The following TIMM23B variants were observed in gnomAD, a reference collection of about 807,000 sequenced individuals.
The protein encoded by TIMM23B is mitochondrial import inner membrane translocase subunit Tim23B.
In TIMM23B, 27 loss-of-function variants were observed where a neutral mutation model predicts 27.3. That is an observed-to-expected ratio of 0.99 (90% confidence interval 0.73 to 1.36). The LOEUF is 1.36. Among genes scored for constraint, TIMM23B ranks in the 40% most tolerant of loss-of-function variants. The probability of loss-of-function intolerance (pLI) is 0.00; values close to 1 mark genes in which losing one functional copy is unlikely to be tolerated. For synonymous variants in TIMM23B, 73 were observed against 92.4 expected (o/e 0.79, Z 1.21); for missense variants, 205 against 244.2 (o/e 0.84, Z 1.07).
At position 49,960,689 on chromosome 10, in the gene TIMM23B, C is replaced by G. The variant is rs1432023389; in HGVS notation, c.514+2209C>G. On this transcript the variant is annotated intron_variant, in intron 6 of 6. Transcript: ENST00000651259. ...CTAGTCTGAGTCCAAAGCCCGTTGT[C>G]TTTCTCACCAAACCAAATTACCTCC... 4.0e-5 allele frequency among the ~76,000 whole-genome samples: 6 copies of G among 151,116 alleles called. No individual in the cohort carries two copies. In the South Asian group the frequency reaches 6.3e-4, roughly 16 times the overall value.
At chr10:49,943,749 T>TC (rs1359698437) in intron 1 of TIMM23B, among the ~76,000 whole-genome samples, 2 of 149,856 alleles carry the variant, frequency 1.3e-5, no homozygotes, top group African/African-American at 4.9e-5. Context: ...TTTTTTTTTT[T>TC]TTTTTTTTTT....
rs1228617217 is a variant in TIMM23B at position 49,961,383 on chromosome 10, CAAAAAAA to C, written c.514+2914_514+2920del. Among the ~76,000 whole-genome samples the C allele has an allele frequency of 1.9e-3, 126 of 67,324 alleles. 1 individual carries two copies. In the East Asian group the frequency reaches 0.051, roughly 27 times the overall value. 44.2% of individuals were successfully genotyped at this position (67,324 alleles called of 152,430 possible). A position where few individuals can be genotyped will look rare whatever the true frequency, so the allele number is the denominator to read the frequency against. ...GGGCAATAAGAGTGAAACTCTGTCT[CAAAAAAA>C]AAAAAAAAAAGAAAAGAAAAAAAAT... is the stretch of plus-strand genomic sequence containing the variant. On this transcript the variant is annotated intron_variant, in intron 6 of 6. Coordinates refer to ENST00000651259, the MANE Select transcript of TIMM23B (RefSeq NM_001290117.2).
rs1410633759 is a variant in TIMM23B, at chr10:49,958,818, G to T, written c.514+338G>T. Among the ~76,000 whole-genome samples the T allele has an allele frequency of 4.8e-3, 723 of 152,172 alleles. 4 individuals are homozygous for T. Among genetic ancestry groups the T allele is most frequent in the Middle Eastern group, 0.017 (5 of 294 alleles). ...ATGTTACACTTTCTGTCTCTGAATT[G>T]GCTGCTTTAGGCACCTCATATAAGT... On this transcript the variant is annotated intron_variant, in intron 6 of 6. Transcript: ENST00000651259.
At chr10:49,952,558 G>A (rs1839568634) in intron 4 of TIMM23B, 25 bp downstream of exon 4, 79 of 1,611,736 alleles carry the variant, frequency 4.9e-5, no homozygotes, top group Non-Finnish European at 6.4e-5. Context: ...ACCATCTGAT[G>A]TAGTGATACT....
rs563098204 is a variant in TIMM23B at position 49,970,361 on chromosome 10, C to T, written c.515-2651C>T. 498 of 171,856 alleles carry T rather than the reference C, an allele frequency of 2.9e-3. 2 individuals are homozygous for T. The highest frequency in any genetic ancestry group is 0.011 in the African/African-American group (456 of 41,550). The allele number at this position is 171,856 out of a possible 1,614,324, so 10.6% of individuals were successfully genotyped here. On this transcript the variant is annotated intron_variant, in intron 6 of 6. Transcript: ENST00000651259. ...CTAGGAAGTGAGGAGCGTCTCGGCC[C>T]GGCCACCCATCGTCTGAGATGAGGG... is the stretch of plus-strand genomic sequence containing the variant.
intron 2 of TIMM23B, among the ~76,000 whole-genome samples, chr10:49,948,894 T>C (rs2133056045): frequency 6.6e-6 from 1 of 152,184 alleles, no homozygotes; most frequent in East Asian, 1.9e-4. Flanking sequence ...CTCTCTCTCT[T>C]TTTTTTCTAA....
chr10:49,952,496 A>G lies in TIMM23B; in HGVS notation c.307A>G (p.Thr103Ala). 1.2e-6 allele frequency: 2 copies of G among 1,613,144 alleles called. No individual in the cohort carries two copies. The highest frequency in any genetic ancestry group is 1.7e-6 in the Non-Finnish European group (2 of 1,179,444). ...MNGLRLGLKE[T>A]QNMAWSKPGN... ...TGGTCTTCGGCTAGGATTGAAGGAA[A>G]CCCAGAACATGGCCTGGTCCAAACC... is the stretch of plus-strand genomic sequence containing the variant. Residue 103 changes from threonine (T) to alanine (A), a missense_variant, in exon 4 of 7, where the codon ACC (threonine) becomes GCC (alanine). Thr to Ala is a moderately conservative substitution (Grantham distance 58). Coordinates refer to ENST00000651259, the MANE Select transcript of TIMM23B (RefSeq NM_001290117.2).
In TIMM23B at chr10:49,973,683, AAAG is replaced by A. The variant is rs1554857045; in HGVS notation, c.*620_*622del. ...CACACCAAGTTGCCATCTCTTCAAA[AAAG>A]GAATCTAGAGACATCAGTGTGTGCA... On this transcript the variant is annotated 3_prime_UTR_variant, in exon 7 of 7. Coordinates refer to ENST00000651259, the MANE Select transcript of TIMM23B (RefSeq NM_001290117.2). 1 of 151,690 alleles carries A rather than the reference AAAG, an allele frequency of 6.6e-6. No individual in the cohort carries two copies. Among genetic ancestry groups the A allele is most frequent in the East Asian group, 1.9e-4 (1 of 5,192 alleles). 9.4% of individuals were successfully genotyped at this position (151,690 alleles called of 1,614,324 possible).
intron 6 of TIMM23B, among the ~76,000 whole-genome samples, chr10:49,971,090 G>A (rs1316897655): frequency 1.3e-5 from 2 of 152,114 alleles, no homozygotes; most frequent in African/African-American, 2.4e-5. Flanking sequence ...GATTAAGAGC[G>A]GTGCAAGATG....
intron 5 of TIMM23B, among the ~76,000 whole-genome samples, chr10:49,957,806 A>G (rs1193548120): frequency 2.6e-5 from 4 of 152,182 alleles, no homozygotes; most frequent in African/African-American, 7.2e-5. Context: ...AGCATGGACA[A>G]CCTTATAGAA....
At chr10:49,971,551 T>G (rs1248669973) in intron 6 of TIMM23B, among the ~76,000 whole-genome samples, 3 of 152,222 alleles carry the variant, frequency 2.0e-5, no homozygotes, top group Non-Finnish European at 4.4e-5. Context: ...TGATCTTTAT[T>G]TTGCAACATT....
intron 6 of TIMM23B, among the ~76,000 whole-genome samples, chr10:49,964,558 T>C (rs1223513213): frequency 1.4e-5 from 2 of 146,994 alleles, no homozygotes; most frequent in African/African-American, 2.5e-5. Flanking sequence ...CGAAATGAAA[T>C]GAAATGAAAT....
intron 6 of TIMM23B, among the ~76,000 whole-genome samples, chr10:49,961,383 CAAAAA>C (rs1228617217): frequency 1.5e-5 from 1 of 67,308 alleles, no homozygotes. Flanking sequence ...AACTCTGTCT[CAAAAA>C]AAAAAAAAAA....
At chr10:49,958,673 C>T (rs1293181468) in intron 6 of TIMM23B, among the ~76,000 whole-genome samples, 193 bp downstream of exon 6, 1 of 152,114 alleles carries the variant, frequency 6.6e-6, no homozygotes, top group African/African-American at 2.4e-5. Flanking sequence ...TTTAAGTATA[C>T]AGTACATTAG....
At chr10:49,944,659 T>A (rs1186528738) in intron 1 of TIMM23B, among the ~76,000 whole-genome samples, 10 of 152,240 alleles carry the variant, frequency 6.6e-5, no homozygotes, top group African/African-American at 2.4e-4. Context: ...ATGGAATTGA[T>A]TAGTCTTTTC....
In TIMM23B at chr10:49,955,174, T is replaced by A. The variant is rs1436141456; in HGVS notation, c.403+114T>A. 3 of 1,135,794 alleles carry A rather than the reference T, an allele frequency of 2.6e-6. No homozygotes were observed. The African/African-American group carries it at 4.6e-5, about 17-fold the overall frequency. The allele number at this position is 1,135,794 out of a possible 1,614,324, so 70.4% of individuals were successfully genotyped here. On this transcript the variant is annotated intron_variant, in intron 5 of 6. Transcript: ENST00000651259. Reference sequence around the variant, plus strand: ...GTCCTAGGATATGAGACAATTATGTTTAAATCCATTCCAATGCATAATGTA... The same window carrying A: ...GTCCTAGGATATGAGACAATTATGTATAAATCCATTCCAATGCATAATGTA...
Position 49,973,095 on chromosome 10 carries a change from A to C in TIMM23B, c.*31A>C. The C allele has an allele frequency of 6.5e-7, 1 of 1,530,342 alleles. No individual in the cohort carries two copies. The highest frequency in any genetic ancestry group is 8.7e-7 in the Non-Finnish European group (1 of 1,143,952). The allele number at this position is 1,530,342 out of a possible 1,614,324, so 94.8% of individuals were successfully genotyped here. ...GCTGTAGAGGTGTGTGTCAATCCCA[A>C]CTGGTGAAGTACTGAGAAGAAGCTA... On this transcript the variant is annotated 3_prime_UTR_variant, in exon 7 of 7. Transcript: ENST00000651259.
intron 6 of TIMM23B, among the ~76,000 whole-genome samples, chr10:49,964,029 A>C (rs1161492593): frequency 1.1e-4 from 17 of 152,172 alleles, no homozygotes; most frequent in Non-Finnish European, 2.4e-4. Flanking sequence ...CGTGTGGTGC[A>C]CTCCAGCCTG....
intron 6 of TIMM23B, among the ~76,000 whole-genome samples, chr10:49,959,530 C>T (rs1383740028): frequency 2.0e-5 from 3 of 152,126 alleles, no homozygotes. Context: ...TCTTTGGCTA[C>T]TTAATTTTTA....
Sources: allele counts gnomAD v4.1 joint callset (sites outside exome capture counted in the v4.1 genomes callset), GRCh38; gene constraint gnomAD v4.1.1; transcripts MANE v1.5; gene names NCBI Gene and HGNC (gene_info 2026-07-23, HGNC 2026-07-21).